Variants in COX10 observed in about 807,000 individuals in gnomAD.
COX10 encodes protoheme IX farnesyltransferase, mitochondrial.
A neutral mutation model predicts 37.3 loss-of-function variants in COX10; 27 were observed. The observed-to-expected ratio is 0.72, with a 90% confidence interval of 0.53 to 1.00. COX10 has a LOEUF of 1.00. Among genes scored for constraint, COX10 ranks in the 50% least tolerant of loss-of-function variants. The probability of loss-of-function intolerance (pLI) is 0.00; values close to 1 mark genes in which losing one functional copy is unlikely to be tolerated. For missense variants in COX10, 475 were observed against 563.2 expected (o/e 0.84, Z 1.59); for synonymous variants, 222 against 229.1 (o/e 0.97, Z 0.28).
chr17:14,137,456 T>G (rs944141119), intron 4 of COX10, among the ~76,000 whole-genome samples: 19 of 151,846 alleles, frequency 1.3e-4, no homozygotes, highest in Non-Finnish European at 2.7e-4. Flanking sequence ...GTATGAGTGA[T>G]TGGATCAAAA....
intron 3 of COX10, among the ~76,000 whole-genome samples, chr17:14,084,050 C>A (rs1915356673): frequency 6.6e-6 from 1 of 152,088 alleles, no homozygotes; most frequent in Non-Finnish European, 1.5e-5. Flanking sequence ...AAATTTTTTT[C>A]TCCTAGAGCC....
At chr17:14,186,176 C>G (rs543388521) in intron 5 of COX10, among the ~76,000 whole-genome samples, 3 of 152,194 alleles carry the variant, frequency 2.0e-5, no homozygotes, top group African/African-American at 4.8e-5. Context: ...ACATGGCAGG[C>G]AGAGTAGTCC....
At chr17:14,101,448 T>C (rs1271666071) in intron 3 of COX10, among the ~76,000 whole-genome samples, 3 of 152,194 alleles carry the variant, frequency 2.0e-5, no homozygotes, top group Non-Finnish European at 4.4e-5. Context: ...TTGGACACTT[T>C]CTGGCCCTGT....
intron 4 of COX10, among the ~76,000 whole-genome samples, chr17:14,113,091 G>A (rs1156589521): frequency 2.0e-5 from 3 of 152,032 alleles, no homozygotes; most frequent in Admixed American, 6.6e-5. Context: ...ATCTCCTTTC[G>A]CTGTCCACGT....
chr17:14,197,852 C>A (rs1405392106), intron 6 of COX10, among the ~76,000 whole-genome samples: 1 of 152,202 alleles, frequency 6.6e-6, no homozygotes, highest in Non-Finnish European at 1.5e-5. Flanking sequence ...CTTCTGTGCA[C>A]AGGAAATAAC....
Position 14,074,372 on chromosome 17 carries a change from C to T in COX10, c.93C>T (p.Asp31=), listed in dbSNP as rs141481210. 1.3e-5 allele frequency: 21 copies of T among 1,613,856 alleles called. No individual in the cohort carries two copies. The South Asian group carries it at 2.3e-4, about 18-fold the overall frequency. Residue 31 remains aspartate (D), a synonymous_variant, in exon 2 of 7, where the codon GAC becomes GAT. Transcript: ENST00000261643. The stretch of plus-strand genomic sequence containing the variant: ...ATCTTGAAAGAAGAACTATACAGGA[C>T]TCCCCTCACAAGTTCTTACATCTTC... The part of the protein sequence containing the change: ...VWYLERRTIQ[D]SPHKFLHLLR...
chr17:14,184,410 A>T (rs1276333009), intron 5 of COX10, among the ~76,000 whole-genome samples: 3 of 152,250 alleles, frequency 2.0e-5, no homozygotes, highest in Non-Finnish European at 4.4e-5. Flanking sequence ...AATAAAAAGT[A>T]TTAAAGTATT....
chr17:14,154,825 G>T (rs908808384), intron 4 of COX10, among the ~76,000 whole-genome samples: 2 of 151,846 alleles, frequency 1.3e-5, no homozygotes, highest in African/African-American at 2.4e-5. Context: ...CAACCCCAGG[G>T]TCAGAAACTG....
chr17:14,160,830 C>T (rs1341037145), intron 5 of COX10, among the ~76,000 whole-genome samples: 1 of 152,198 alleles, frequency 6.6e-6, no homozygotes, highest in Non-Finnish European at 1.5e-5. Flanking sequence ...AAAAAGCTCA[C>T]ATCTACTGAT....
intron 4 of COX10, among the ~76,000 whole-genome samples, chr17:14,140,814 A>AT (rs983021578): frequency 2.8e-4 from 43 of 151,824 alleles, no homozygotes; most frequent in Non-Finnish European, 4.7e-4. Context: ...GTTATGTCTG[A>AT]TTTTTTTTGT....
chr17:14,135,510 C>T (rs1050930975), intron 4 of COX10, among the ~76,000 whole-genome samples: 5 of 151,556 alleles, frequency 3.3e-5, no homozygotes, highest in African/African-American at 1.2e-4. Flanking sequence ...GAAGTGAGAC[C>T]CAGGGATCTG....
intron 4 of COX10, among the ~76,000 whole-genome samples, chr17:14,111,180 T>C (rs929835268): frequency 6.6e-6 from 1 of 152,132 alleles, no homozygotes; most frequent in African/African-American, 2.4e-5. Flanking sequence ...ATCCTAAAAT[T>C]CACATTTTCA....
chr17:14,134,329 T>C (rs1916531569), intron 4 of COX10, among the ~76,000 whole-genome samples: 1 of 151,850 alleles, frequency 6.6e-6, no homozygotes, highest in African/African-American at 2.4e-5. Context: ...AGATAAAAAA[T>C]ACAAAGTTAT....
At chr17:14,185,054 G>T (rs1312051034) in intron 5 of COX10, among the ~76,000 whole-genome samples, 1 of 150,424 alleles carries the variant, frequency 6.6e-6, no homozygotes, top group Non-Finnish European at 1.5e-5. Flanking sequence ...TCCTCATCTT[G>T]CTTCTAGAAA....
At chr17:14,200,824 C>A (rs892345992) in intron 6 of COX10, among the ~76,000 whole-genome samples, 3 of 152,192 alleles carry the variant, frequency 2.0e-5, no homozygotes, top group African/African-American at 7.2e-5. Flanking sequence ...TAAAAGAAGT[C>A]GAAAACACGT....
At chr17:14,093,430 G>A (rs1194045902) in intron 3 of COX10, among the ~76,000 whole-genome samples, 1 of 152,012 alleles carries the variant, frequency 6.6e-6, no homozygotes, top group Non-Finnish European at 1.5e-5. Flanking sequence ...CCAAAGTAGT[G>A]GGACTTAAAA....
chr17:14,115,311 A>T (rs1468994694), intron 4 of COX10, among the ~76,000 whole-genome samples: 1 of 152,182 alleles, frequency 6.6e-6, no homozygotes, highest in Non-Finnish European at 1.5e-5. Flanking sequence ...GCTTATAATA[A>T]AACAAGTTGA....
chr17:14,179,410 C>A (rs1461059060), intron 5 of COX10: 1 of 164,556 alleles, frequency 6.1e-6, no homozygotes, highest in Non-Finnish European at 1.3e-5. Flanking sequence ...TCTTCAATTC[C>A]TCAAGAGTGT....
intron 3 of COX10, among the ~76,000 whole-genome samples, chr17:14,086,708 T>C (rs1370831640): frequency 6.6e-6 from 1 of 152,178 alleles, no homozygotes; most frequent in Admixed American, 6.5e-5. Context: ...TTTATGCTAA[T>C]TATTTCATTT....
Sources: gnomAD v4.1 joint callset for allele counts (sites outside exome capture counted in the v4.1 genomes callset) on GRCh38, gnomAD v4.1.1 for gene constraint, MANE v1.5 for transcripts, NCBI Gene and HGNC (gene_info 2026-07-23, HGNC 2026-07-21) for gene names.